NPAS3: variants seen among roughly 807,000 people sequenced by gnomAD.
The protein encoded by NPAS3 is neuronal PAS domain-containing protein 3.
In NPAS3, 14 loss-of-function variants were observed where a neutral mutation model predicts 73.1. The observed-to-expected ratio is 0.19, with a 90% CI of 0.13 to 0.30. The LOEUF (loss-of-function observed/expected upper bound fraction) is 0.30, where lower values mean the gene tolerates loss of function less well. Ranked by LOEUF, NPAS3 falls within the 10% of genes least tolerant of loss-of-function variation. The pLI is 1.00. For synonymous variants in NPAS3, 620 were observed against 541.5 expected (o/e 1.14, Z -2.01); for missense variants, 1,096 against 1,250.0 (o/e 0.88, Z 1.86).
chr14:33,198,152 G>A (rs1186152878), intron 2 of NPAS3, among the ~76,000 whole-genome samples: 1 of 152,202 alleles, frequency 6.6e-6, no homozygotes, highest in Non-Finnish European at 1.5e-5. Context: ...CCTTCGCAGT[G>A]TTACAGCTCA....
intron 6 of NPAS3, among the ~76,000 whole-genome samples, chr14:33,699,800 T>G (rs2060479661): frequency 6.6e-6 from 1 of 152,094 alleles, no homozygotes; most frequent in Admixed American, 6.5e-5. Context: ...AGCAGTCCTG[T>G]GGGTGAGGCG....
chr14:33,206,467 T>C (rs12897686), intron 2 of NPAS3, among the ~76,000 whole-genome samples: 2 of 151,906 alleles, frequency 1.3e-5, no homozygotes, highest in African/African-American at 4.8e-5. Flanking sequence ...GTGTAGAAAG[T>C]TGGAGGGAAA....
intron 6 of NPAS3, among the ~76,000 whole-genome samples, chr14:33,685,063 A>G (rs576038230): frequency 6.6e-6 from 1 of 152,358 alleles, no homozygotes; most frequent in South Asian, 2.1e-4. Context: ...TTCACGATTC[A>G]GACCCACTTG....
rs116884391 is a variant in NPAS3 at position 33,629,668 on chromosome 14, C to T, written c.559-46543C>T. ...GAAACTCACCATTGTATGATCCTTA[C>T]TTCTCCTTGTCCCAAATTTAAGGGA... On this transcript the variant is annotated intron_variant, in intron 5 of 11. Transcript: ENST00000356141. 5.6e-3 allele frequency among the ~76,000 whole-genome samples: 844 copies of T among 151,850 alleles called. 1 individual carries two copies. Among genetic ancestry groups the T allele is most frequent in the Middle Eastern group, 0.01 (3 of 294 alleles).
chr14:33,588,650 G>A (rs1196322002), intron 5 of NPAS3, among the ~76,000 whole-genome samples: 1 of 152,178 alleles, frequency 6.6e-6, no homozygotes, highest in East Asian at 1.9e-4. Context: ...GTCTCACTCT[G>A]TCACCCAGGC....
At chr14:33,403,140 ATT>A (rs2047517774) in intron 4 of NPAS3, among the ~76,000 whole-genome samples, 1 of 152,090 alleles carries the variant, frequency 6.6e-6, no homozygotes, top group South Asian at 2.1e-4. Context: ...TCAGTATTGC[ATT>A]TCCCTACATT....
At chr14:33,595,664 T>G (rs1433889407) in intron 5 of NPAS3, among the ~76,000 whole-genome samples, 3 of 152,052 alleles carry the variant, frequency 2.0e-5, no homozygotes, top group Non-Finnish European at 4.4e-5. Context: ...CTAAATATTT[T>G]AATCAGTTGC....
At chr14:33,699,702 G>A (rs183043355) in intron 6 of NPAS3, among the ~76,000 whole-genome samples, 2 of 152,228 alleles carry the variant, frequency 1.3e-5, no homozygotes, top group Admixed American at 1.3e-4. Context: ...GAAGTCAGCA[G>A]AACAGGGTTA....
intron 4 of NPAS3, among the ~76,000 whole-genome samples, chr14:33,541,448 G>C (rs2054514809): frequency 6.6e-6 from 1 of 152,162 alleles, no homozygotes; most frequent in Non-Finnish European, 1.5e-5. Flanking sequence ...TGACAGGCTG[G>C]GGTTGGATAG....
chr14:33,181,398 T>C (rs763695959), intron 2 of NPAS3, among the ~76,000 whole-genome samples: 5 of 152,152 alleles, frequency 3.3e-5, no homozygotes, highest in Admixed American at 6.6e-5. Context: ...GGTTCAAATA[T>C]GAAGAACAGG....
At chr14:33,581,055 G>A (rs2056645792) in intron 5 of NPAS3, among the ~76,000 whole-genome samples, 1 of 152,128 alleles carries the variant, frequency 6.6e-6, no homozygotes, top group Non-Finnish European at 1.5e-5. Context: ...ATTAGTCTTG[G>A]CTTTTCTTGA....
chr14:33,510,420 A>G (rs1380533328), intron 4 of NPAS3, among the ~76,000 whole-genome samples: 2 of 152,030 alleles, frequency 1.3e-5, no homozygotes, highest in African/African-American at 4.8e-5. Flanking sequence ...CCTTCTTCCT[A>G]GAGTGATAAA....
At chr14:33,695,762 A>C (rs535429505) in intron 6 of NPAS3, among the ~76,000 whole-genome samples, 3 of 152,208 alleles carry the variant, frequency 2.0e-5, no homozygotes, top group Non-Finnish European at 4.4e-5. Flanking sequence ...GACAAAGACA[A>C]AAGAAAGAAC....
At chr14:33,579,722 G>C (rs530166431) in intron 5 of NPAS3, among the ~76,000 whole-genome samples, 1 of 152,026 alleles carries the variant, frequency 6.6e-6, no homozygotes, top group African/African-American at 2.4e-5. Flanking sequence ...AGAAGAGCAA[G>C]TTCGCCTTAA....
At chr14:32,987,384 C>A (rs1375125524) in intron 1 of NPAS3, among the ~76,000 whole-genome samples, 1 of 151,834 alleles carries the variant, frequency 6.6e-6, no homozygotes, top group Non-Finnish European at 1.5e-5. Context: ...TGAAGGAATG[C>A]TCAGCCCAGT....
chr14:33,176,927 G>A (rs1482021522), intron 2 of NPAS3, among the ~76,000 whole-genome samples: 2 of 151,878 alleles, frequency 1.3e-5, no homozygotes, highest in Non-Finnish European at 2.9e-5. Flanking sequence ...TAATGGGTGT[G>A]AAGTGAGATC....
In NPAS3 at chr14:33,586,892, A is replaced by G. The variant is rs535317372; in HGVS notation, c.558+26682A>G. Among the ~76,000 whole-genome samples, 3 of 152,276 alleles carry G rather than the reference A, an allele frequency of 2.0e-5. No individual in the cohort carries two copies. In the South Asian group the frequency reaches 6.2e-4, roughly 32 times the overall value. On this transcript the variant is annotated intron_variant, in intron 5 of 11. Coordinates refer to ENST00000356141, the Ensembl canonical transcript of NPAS3. ...GAAATGCTACAGAAGTATTTCCAGT[A>G]AGACATTTTGGAGAATATAGAGTTT...
In NPAS3 at chr14:33,523,591, C is replaced by T. The variant is rs185279318; in HGVS notation, c.469-36530C>T. ...TAGCCTGGCCAACATGGTGAAACCTCGTCTCCACTAAAAATACAAAAAGAT... is the reference window on the plus strand; with the variant it reads ...TAGCCTGGCCAACATGGTGAAACCTTGTCTCCACTAAAAATACAAAAAGAT... On this transcript the variant is annotated intron_variant, in intron 4 of 11. Transcript: ENST00000356141. 4.0e-3 allele frequency among the ~76,000 whole-genome samples: 609 copies of T among 151,762 alleles called. 2 individuals are homozygous for T. The highest frequency in any genetic ancestry group is 0.013 in the African/African-American group (521 of 41,394).
intron 3 of NPAS3, among the ~76,000 whole-genome samples, chr14:33,246,440 G>A (rs1013807344): frequency 1.7e-4 from 26 of 150,578 alleles, no homozygotes; most frequent in African/African-American, 5.1e-4. Context: ...TTGGGAGGCT[G>A]AGGCAGGAGA....
Sources: allele counts gnomAD v4.1 joint callset (sites outside exome capture counted in the v4.1 genomes callset), GRCh38; gene constraint gnomAD v4.1.1; transcripts MANE v1.5; gene names NCBI Gene and HGNC (gene_info 2026-07-23, HGNC 2026-07-21).